CHD5: variants seen among roughly 807,000 people sequenced by gnomAD.
CHD5 encodes the protein chromodomain helicase DNA binding protein 5.
Under a neutral mutation model 230.3 loss-of-function variants are expected in CHD5, and 69 were observed. The observed-to-expected ratio is 0.30, with a 90% CI of 0.25 to 0.37. The LOEUF is 0.37. CHD5 is among the 10% of genes least tolerant of loss of function. CHD5 has a pLI of 1.00. For synonymous variants in CHD5, 1,064 were observed against 1,065.9 expected (o/e 1.00, Z 0.03); for missense variants, 1,827 against 2,622.8 (o/e 0.70, Z 6.63).
Position 6,154,804 on chromosome 1 carries a change from A to G in CHD5, c.601T>C (p.Phe201Leu), listed in dbSNP as rs1391771216. ...GCTGCTGCCGCGGAGCTGCCCTTGA[A>G]GGGGTTGTTGGCGCTGAACTCCCGC... is the stretch of plus-strand genomic sequence containing the variant. The part of the protein sequence containing the change: ...KWREFSANNP[F>L]KGSSAAAAAA... The change falls in exon 5 of 42, where the codon TTC (phenylalanine) becomes CTC (leucine). Residue 201 changes from phenylalanine to leucine, a missense_variant. Physicochemically the swap from Phe to Leu is conservative, Grantham distance 22 (BLOSUM62 0). Around this residue, in one of 14 missense-constraint regions of CHD5, gnomAD observed 657 missense variants for 816.4 expected, o/e 0.80. Coordinates refer to ENST00000262450, the MANE Select transcript of CHD5 (RefSeq NM_015557.3). The surrounding 1 kb of genome is among the most constrained non-coding windows in gnomAD (Gnocchi z 7.0). The G allele has an allele frequency of 6.2e-7, 1 of 1,613,820 alleles. No individual in the cohort carries two copies. The highest frequency in any genetic ancestry group is 2.2e-5 in the East Asian group (1 of 44,868).
At position 6,157,713 on chromosome 1, in the gene CHD5, C is replaced by T. The variant is rs72632556; in HGVS notation, c.387+1623G>A. On this transcript the variant is annotated intron_variant, in intron 3 of 41. Coordinates refer to ENST00000262450, the MANE Select transcript of CHD5 (RefSeq NM_015557.3). ...TGGCTGACCTGCCCCCGTGGACACA[C>T]ATGGCCATTCCTGATGGCACACGGA... is the stretch of plus-strand genomic sequence containing the variant. Among the ~76,000 whole-genome samples, 1,471 of 152,374 alleles carry T rather than the reference C, an allele frequency of 9.7e-3. 11 individuals are homozygous for T. The highest frequency in any genetic ancestry group is 0.015 in the Non-Finnish European group (1,024 of 68,044).
At chr1:6,136,474 C>G in intron 17 of CHD5, 43 bp downstream of exon 17, 4 of 1,605,666 alleles carry the variant, frequency 2.5e-6, no homozygotes, top group Non-Finnish European at 3.4e-6. Context: ...CTGGGGCCAC[C>G]CAGCCCCACC....
chr1:6,123,513 G>A (rs980835704), intron 31 of CHD5, among the ~76,000 whole-genome samples: 6 of 151,610 alleles, frequency 4.0e-5, no homozygotes, highest in African/African-American at 7.3e-5. Flanking sequence ...TGCAACCTCC[G>A]CTTCCCAGGT....
At position 6,124,673 on chromosome 1, in the gene CHD5, G is replaced by T. The variant is rs552969566; in HGVS notation, c.4395-12C>A. 2.8e-5 allele frequency: 31 copies of T among 1,089,394 alleles called. 1 individual carries two copies. Among genetic ancestry groups the T allele is most frequent in the Middle Eastern group, 5.8e-4 (2 of 3,438 alleles). 67.5% of individuals were successfully genotyped at this position (1,089,394 alleles called of 1,614,324 possible). On this transcript the variant is annotated splice_polypyrimidine_tract_variant and intron_variant, in intron 29 of 41. Transcript: ENST00000262450. ...GGGACACATAGGCTCTGGGGTGGGG[G>T]GGGGGGACTGGGGCTCAGGGAGTGG...
chr1:6,107,535 A>T (rs1666205038), intron 38 of CHD5, among the ~76,000 whole-genome samples: 1 of 142,408 alleles, frequency 7.0e-6, no homozygotes, highest in African/African-American at 2.6e-5. Flanking sequence ...GGAGAGATGG[A>T]GGGATGGAGG....
In CHD5 at chr1:6,154,269, A is replaced by G. The variant is rs564431513; in HGVS notation, c.745+391T>C. Among the ~76,000 whole-genome samples, 1 of 152,242 alleles carries G rather than the reference A, an allele frequency of 6.6e-6. No individual in the cohort carries two copies. The highest frequency in any genetic ancestry group is 6.5e-5 in the Admixed American group (1 of 15,284). On this transcript the variant is annotated intron_variant, in intron 5 of 41. Transcript: ENST00000262450. This position sits in a 1 kb window ranked among gnomAD's most constrained non-coding sequence, Gnocchi z 7.0. Reference sequence around the variant, plus strand: ...TGGGGCCTCCTCCTCCTCCCCAGAAACGGCACAGGCTCAAACCCAAGAGCC... The same window carrying G: ...TGGGGCCTCCTCCTCCTCCCCAGAAGCGGCACAGGCTCAAACCCAAGAGCC...
At chr1:6,116,407 T>C (rs1666379574) in intron 33 of CHD5, among the ~76,000 whole-genome samples, 1 of 152,146 alleles carries the variant, frequency 6.6e-6, no homozygotes, top group Non-Finnish European at 1.5e-5. Context: ...GACATAAATA[T>C]TCAGCTTTAA....
chr1:6,160,406 C>A (rs1393357951), intron 2 of CHD5, among the ~76,000 whole-genome samples: 1 of 141,080 alleles, frequency 7.1e-6, no homozygotes, highest in Non-Finnish European at 1.5e-5. Flanking sequence ...AGGGCCCCAG[C>A]CAGAGAAGGG....
At position 6,130,110 on chromosome 1, in the gene CHD5, G is replaced by T; in HGVS notation, c.3387+94C>A. On this transcript the variant is annotated intron_variant, in intron 22 of 41. Coordinates refer to ENST00000262450, the MANE Select transcript of CHD5 (RefSeq NM_015557.3). This position sits in a 1 kb window ranked among gnomAD's most constrained non-coding sequence, Gnocchi z 4.9. ...GGCCCACAGCACCAGGATAGGTGAG[G>T]GGGTGATGGCAAGAAGGGCATGAAG... 1 of 1,431,798 alleles carries T rather than the reference G, an allele frequency of 7.0e-7. No homozygotes were observed. Among genetic ancestry groups the T allele is most frequent in the South Asian group, 1.2e-5 (1 of 82,026 alleles). 88.7% of individuals were successfully genotyped at this position (1,431,798 alleles called of 1,614,324 possible).
intron 6 of CHD5, among the ~76,000 whole-genome samples, chr1:6,151,656 A>T (rs765822556): frequency 5.9e-5 from 9 of 152,232 alleles, no homozygotes; most frequent in Non-Finnish European, 1.3e-4. Context: ...CCTGGTACAC[A>T]GTATGTGCTC....
At position 6,129,147 on chromosome 1, in the gene CHD5, A is replaced by G; in HGVS notation, c.3388-78T>C. The G allele has an allele frequency of 1.0e-6, 1 of 988,344 alleles. No homozygotes were observed. 61.2% of individuals were successfully genotyped at this position (988,344 alleles called of 1,614,324 possible). The stretch of plus-strand genomic sequence containing the variant: ...GGAGGAGATCACACCCATGAGCTCA[A>G]GAGCATGGAATGGGCTGCATGACTG... On this transcript the variant is annotated intron_variant, in intron 22 of 41. Coordinates refer to ENST00000262450, the MANE Select transcript of CHD5 (RefSeq NM_015557.3). This position sits in a 1 kb window ranked among gnomAD's most constrained non-coding sequence, Gnocchi z 6.8.
intron 34 of CHD5, 147 bp from the exon 35 acceptor site, chr1:6,112,424 CAAGCCAACGGCCTCTCTCT>C: frequency 1.0e-6 from 1 of 991,508 alleles, no homozygotes; most frequent in Non-Finnish European, 1.5e-6. Flanking sequence ...GGGTCTTAAA[CAAGCCAACGGCCTCTCTCT>C]CTGTCCTGGG....
Position 6,148,927 on chromosome 1 carries a change from G to C in CHD5, c.1310C>G (p.Ser437Cys). The change falls in exon 9 of 42, where the codon TCC becomes TGC. Residue 437 changes from serine (S) to cysteine (C), a missense_variant. Physicochemically the swap from Ser to Cys is moderately radical, Grantham distance 112. Around this residue, in one of 14 missense-constraint regions of CHD5, gnomAD observed 657 missense variants for 816.4 expected, o/e 0.80. Transcript: ENST00000262450. ...ELLCCDACPS[S>C]YHLHCLNPPL... is the part of the protein sequence containing the mutation. ...CGGGTTGAGGCAATGCAGGTGGTAGGAGGAGGGGCAGGCGTCGCAGCAGAG... is the reference window on the plus strand; with the variant it reads ...CGGGTTGAGGCAATGCAGGTGGTAGCAGGAGGGGCAGGCGTCGCAGCAGAG... 6.3e-7 allele frequency: 1 copy of C among 1,594,472 alleles called. No individual in the cohort carries two copies. Among genetic ancestry groups the C allele is most frequent in the Non-Finnish European group, 8.5e-7 (1 of 1,170,078 alleles).
At chr1:6,107,709 G>A (rs1255568619) in intron 38 of CHD5, among the ~76,000 whole-genome samples, 3 of 143,042 alleles carry the variant, frequency 2.1e-5, no homozygotes, top group African/African-American at 7.8e-5. Context: ...ATGATGGAGA[G>A]ATGGAGGGAT....
intron 2 of CHD5, among the ~76,000 whole-genome samples, chr1:6,163,863 C>A (rs878937188): frequency 6.6e-6 from 1 of 152,256 alleles, no homozygotes; most frequent in East Asian, 1.9e-4. Context: ...GACCTTGGCA[C>A]TGACCTTTCG....
At position 6,134,805 on chromosome 1, in the gene CHD5, C is replaced by T. The variant is rs139587848; in HGVS notation, c.2925G>A (p.Gly975=). Reference sequence around the variant, plus strand: ...TGAGCAGCGATACTTGGTTCCCGCCCCCCTTGGAGTTCAGTGCCTCAAAGT... The same window carrying T: ...TGAGCAGCGATACTTGGTTCCCGCCTCCCTTGGAGTTCAGTGCCTCAAAGT... The part of the protein sequence containing the change: ...TRNFEALNSK[G]GGNQVSLLNI... The change falls in exon 19 of 42, where the codon GGG becomes GGA. Residue 975 remains glycine, a synonymous_variant. Transcript: ENST00000262450. This position sits in a 1 kb window ranked among gnomAD's most constrained non-coding sequence, Gnocchi z 6.3. 3 of 1,613,994 alleles carry T rather than the reference C, an allele frequency of 1.9e-6. No homozygotes were observed. Among genetic ancestry groups the T allele is most frequent in the African/African-American group, 2.7e-5 (2 of 74,904 alleles).
At chr1:6,111,146 C>T (rs763287236) in intron 36 of CHD5, among the ~76,000 whole-genome samples, 1 of 151,434 alleles carries the variant, frequency 6.6e-6, no homozygotes, top group Non-Finnish European at 1.5e-5. Context: ...AGAAGAATCA[C>T]TTGAACCCAG....
rs546044277 is a variant in CHD5, at chr1:6,155,740, T to C, written c.388-23A>G. 6 of 1,599,116 alleles carry C rather than the reference T, an allele frequency of 3.8e-6. No homozygotes were observed. The highest frequency in any genetic ancestry group is 2.7e-5 in the African/African-American group (2 of 74,382). On this transcript the variant is annotated intron_variant, in intron 3 of 41. Transcript: ENST00000262450. This position sits in a 1 kb window ranked among gnomAD's most constrained non-coding sequence, Gnocchi z 4.0. ...CTCCTACAGAGACCCAGGCCAGAGG[T>C]AGAGTTGTTGAGGGGCCTTCTGACC...
intron 1 of CHD5, among the ~76,000 whole-genome samples, chr1:6,171,462 G>T (rs1372924806): frequency 1.3e-5 from 2 of 152,030 alleles, no homozygotes; most frequent in South Asian, 4.1e-4. Context: ...ATGGCTTCTG[G>T]TGGGTGGCCC....
Sources: gnomAD v4.1 joint callset for allele counts (sites outside exome capture counted in the v4.1 genomes callset) on GRCh38, gnomAD v4.1.1 for gene constraint, gnomAD v4.1.1 regional missense constraint, Gnocchi (gnomAD v3.1) non-coding constraint, MANE v1.5 for transcripts, NCBI Gene and HGNC (gene_info 2026-07-23, HGNC 2026-07-21) for gene names.